MYNN: variants seen among roughly 807,000 people sequenced by gnomAD.
MYNN encodes the protein myoneurin.
MYNN carries 22 observed loss-of-function variants against 57.2 expected under a neutral mutation model. That is an observed-to-expected ratio of 0.38 (90% CI 0.27 to 0.55). The LOEUF (loss-of-function observed/expected upper bound fraction) is 0.55. Among genes scored for constraint, MYNN ranks in the 20% least tolerant of loss-of-function variants. MYNN has a pLI of 0.71. For missense variants in MYNN, 566 were observed against 723.1 expected (o/e 0.78, Z 2.49); for synonymous variants, 241 against 257.1 (o/e 0.94, Z 0.60).
At chr3:169,780,351 C>T (rs974884225) in intron 3 of MYNN, 2 of 326,002 alleles carry the variant, frequency 6.1e-6, no homozygotes, top group Non-Finnish European at 1.1e-5. Flanking sequence ...AGCCACCGAG[C>T]CCAGCCCTAG....
chr3:169,785,280 G>A (rs79992152), intron 7 of MYNN, among the ~76,000 whole-genome samples: 3 of 151,922 alleles, frequency 2.0e-5, no homozygotes, highest in African/African-American at 7.2e-5. Flanking sequence ...GGCCCTTCTG[G>A]TGTGTAAATA....
At position 169,780,746 on chromosome 3, in the gene MYNN, C is replaced by G. The variant is rs1778485530; in HGVS notation, c.1217C>G (p.Ala406Gly). The G allele has an allele frequency of 6.3e-7, 1 of 1,596,598 alleles. No homozygotes were observed. Among genetic ancestry groups the G allele is most frequent in the Non-Finnish European group, 8.5e-7 (1 of 1,174,630 alleles). ...FATSSNLKIH[A>G]RKHSGEKPYV... The stretch of plus-strand genomic sequence containing the variant: ...ACTTCTAGCAATCTCAAGATTCATG[C>G]AAGGTAAAAAACCAAATGAGTTGTT... Residue 406 changes from alanine (A) to glycine (G), a missense_variant, in exon 4 of 8, where the codon GCA (alanine) becomes GGA (glycine). By Grantham distance (60) the Ala-to-Gly change is moderately conservative. This residue lies in a region of MYNN where 123 missense variants were observed against 222.6 expected (regional missense o/e 0.55). Coordinates refer to ENST00000349841, the MANE Select transcript of MYNN (RefSeq NM_018657.5).
intron 2 of MYNN, chr3:169,778,554 C>T: frequency 2.2e-6 from 1 of 449,044 alleles, no homozygotes; most frequent in Non-Finnish European, 3.9e-6. Context: ...TGTGAATAGC[C>T]ATTATCTTTC....
Position 169,789,084 on chromosome 3 carries a change from T to C in MYNN, c.*2406T>C, listed in dbSNP as rs1436700550. The C allele has an allele frequency of 6.6e-6, 1 of 152,194 alleles. No individual in the cohort carries two copies. Among genetic ancestry groups the C allele is most frequent in the African/African-American group, 2.4e-5 (1 of 41,456 alleles). 9.4% of individuals were successfully genotyped at this position (152,194 alleles called of 1,614,324 possible). On this transcript the variant is annotated 3_prime_UTR_variant, in exon 8 of 8. Coordinates refer to ENST00000349841, the MANE Select transcript of MYNN (RefSeq NM_018657.5). ...TTTCTAAATAAATTTAATTTTCTTTTGTATTTGTATCAGATCATGCCTACT... is the reference window on the plus strand; with the variant it reads ...TTTCTAAATAAATTTAATTTTCTTTCGTATTTGTATCAGATCATGCCTACT...
At chr3:169,776,772 C>T (rs1001374430) in intron 2 of MYNN, among the ~76,000 whole-genome samples, 6 of 131,888 alleles carry the variant, frequency 4.5e-5, no homozygotes, top group South Asian at 4.8e-4. Flanking sequence ...GGCGTGATCT[C>T]GGCTCACTGC....
intron 6 of MYNN, 163 bp downstream of exon 6, chr3:169,783,723 T>G (rs2108207831): frequency 1.5e-6 from 1 of 681,544 alleles, no homozygotes. Context: ...TTTTGTTTTT[T>G]TTTTAGTTGT....
chr3:169,783,717 G>GTTT, intron 6 of MYNN, 157 bp downstream of exon 6: 2 of 574,452 alleles, frequency 3.5e-6, no homozygotes, highest in Admixed American at 2.5e-5. Flanking sequence ...TGCTTATTTT[G>GTTT]TTTTTTTTTT....
intron 3 of MYNN, chr3:169,779,910 A>G (rs923618818): frequency 3.7e-6 from 1 of 267,828 alleles, no homozygotes; most frequent in Non-Finnish European, 7.1e-6. Context: ...ACTTCTCATT[A>G]CATACTTCTA....
In MYNN at chr3:169,774,245, T is replaced by C. The variant is rs769346608; in HGVS notation, c.-31-20T>C. 3 of 1,577,630 alleles carry C rather than the reference T, an allele frequency of 1.9e-6. No individual in the cohort carries two copies. In the East Asian group the frequency reaches 6.7e-5, roughly 35 times the overall value. On this transcript the variant is annotated intron_variant, in intron 1 of 7. Coordinates refer to ENST00000349841, the MANE Select transcript of MYNN (RefSeq NM_018657.5). Reference sequence around the variant, plus strand: ...TGAGAACTTACGGTTACTGATTTACTGTTTCTTTTTGTCTTTTAGATCAAG... The same window carrying C: ...TGAGAACTTACGGTTACTGATTTACCGTTTCTTTTTGTCTTTTAGATCAAG...
intron 4 of MYNN, among the ~76,000 whole-genome samples, chr3:169,781,009 T>C (rs1331579263): frequency 2.0e-5 from 3 of 152,212 alleles, no homozygotes; most frequent in Non-Finnish European, 4.4e-5. Context: ...AGGATCATTC[T>C]GACTGGTATA....
chr3:169,774,761 A>AGTAAGATTTCT lies in MYNN; in HGVS notation c.266+202_266+212dup, dbSNP rs552842907. Among the ~76,000 whole-genome samples the AGTAAGATTTCT allele has an allele frequency of 3.2e-4, 48 of 152,364 alleles. 2 individuals carry two copies. In the East Asian group the frequency reaches 6.7e-3, roughly 21 times the overall value. On this transcript the variant is annotated intron_variant, in intron 2 of 7. Coordinates refer to ENST00000349841, the MANE Select transcript of MYNN (RefSeq NM_018657.5). ...TTTTTCATAAGCACAGATAATAAAC[A>AGTAAGATTTCT]GTAAGATTTCTGACACGTTTATTTA...
rs753168355 is a variant in MYNN at position 169,778,843 on chromosome 3, G to A, written c.342G>A (p.Lys114=). 1 of 1,613,282 alleles carries A rather than the reference G, an allele frequency of 6.2e-7. No individual in the cohort carries two copies. The highest frequency in any genetic ancestry group is 1.3e-5 in the African/African-American group (1 of 74,862). The change falls in exon 3 of 8, where the codon AAG becomes AAA. Residue 114 remains lysine (K), a synonymous_variant. Transcript: ENST00000349841. ...VEEVVTKCKI[K]MEDFAFIANP... ...AGGTGGTCACTAAATGCAAAATAAA[G>A]ATGGAAGATTTTGCTTTTATTGCTA...
At chr3:169,786,364 G>GTA in intron 7 of MYNN, 52 bp from the exon 8 acceptor site, 1 of 1,527,998 alleles carries the variant, frequency 6.5e-7, no homozygotes, top group Non-Finnish European at 8.9e-7. Flanking sequence ...CTACCTCAGG[G>GTA]GTTTAGTTTT....
chr3:169,781,563 C>G (rs1472063690), intron 4 of MYNN, among the ~76,000 whole-genome samples: 1 of 152,124 alleles, frequency 6.6e-6, no homozygotes, highest in Non-Finnish European at 1.5e-5. Context: ...GGCACTCTAA[C>G]TTTATGAGTT....
Position 169,779,550 on chromosome 3 carries a change from G to C in MYNN, c.1049G>C (p.Arg350Thr). The C allele has an allele frequency of 6.2e-7, 1 of 1,613,766 alleles. No individual in the cohort carries two copies. The highest frequency in any genetic ancestry group is 8.5e-7 in the Non-Finnish European group (1 of 1,179,798). ...TGTAACCAGCTGAAAACGCATGTAA[G>C]AACTCATACAGGTGAGACGGGTGTG... is the stretch of plus-strand genomic sequence containing the variant. ...TQCNQLKTHV[R>T]THTGEKPYKC... The change falls in exon 3 of 8, where the codon AGA (arginine) becomes ACA (threonine). Residue 350 changes from arginine (R) to threonine (T), a missense_variant. Physicochemically the swap from Arg to Thr is moderately conservative, Grantham distance 71. Transcript: ENST00000349841.
At position 169,778,587 on chromosome 3, in the gene MYNN, T is replaced by C. The variant is rs557619631; in HGVS notation, c.267-181T>C. The C allele has an allele frequency of 1.6e-4, 79 of 504,142 alleles. 1 individual carries two copies. The highest frequency in any genetic ancestry group is 2.4e-4 in the Non-Finnish European group (71 of 292,946). The allele number at this position is 504,142 out of a possible 1,614,324, so 31.2% of individuals were successfully genotyped here. A position where few individuals can be genotyped will look rare whatever the true frequency, so the allele number is the denominator to read the frequency against. The stretch of plus-strand genomic sequence containing the variant: ...TTCATCTCTTGAAGTTCTGTAAAAT[T>C]GGAGATTTTTTACCTAAACATTATT... On this transcript the variant is annotated intron_variant, in intron 2 of 7. Coordinates refer to ENST00000349841, the MANE Select transcript of MYNN (RefSeq NM_018657.5).
intron 4 of MYNN, among the ~76,000 whole-genome samples, chr3:169,781,314 C>T (rs968648323): frequency 2.0e-5 from 3 of 152,148 alleles, no homozygotes; most frequent in East Asian, 1.9e-4. Flanking sequence ...CAGGAATTTA[C>T]GAGTACAGTT....
intron 1 of MYNN, chr3:169,773,962 T>A (rs1778252902): frequency 7.3e-6 from 2 of 273,040 alleles, no homozygotes; most frequent in Non-Finnish European, 1.4e-5. Context: ...CATAAGTATG[T>A]CTACTGAGCT....
Position 169,783,579 on chromosome 3 carries a change from C to T in MYNN, c.1483+19C>T, listed in dbSNP as rs1397979627. 20 of 1,546,988 alleles carry T rather than the reference C, an allele frequency of 1.3e-5. No homozygotes were observed. Among genetic ancestry groups the T allele is most frequent in the East Asian group, 2.3e-5 (1 of 44,348 alleles). On this transcript the variant is annotated intron_variant, in intron 6 of 7. Coordinates refer to ENST00000349841, the MANE Select transcript of MYNN (RefSeq NM_018657.5). ...CATACAGGTCTGTGTTTAGGGAGAA[C>T]GTATTATTTTTTGTTCTCTCTTAAT... is the stretch of plus-strand genomic sequence containing the variant.
Sources: allele counts gnomAD v4.1 joint callset (sites outside exome capture counted in the v4.1 genomes callset), GRCh38; gene constraint gnomAD v4.1.1; regional missense constraint gnomAD v4.1.1; transcripts MANE v1.5; gene names NCBI Gene and HGNC (gene_info 2026-07-23, HGNC 2026-07-21).